Variants in CES3 observed in about 807,000 individuals in gnomAD.
The protein encoded by CES3 is carboxylesterase 3 (brain).
A neutral mutation model predicts 57.6 loss-of-function variants in CES3; 49 were observed. That is an observed-to-expected ratio of 0.85 (90% CI 0.68 to 1.08). The LOEUF (loss-of-function observed/expected upper bound fraction) is 1.08, where lower values mean the gene tolerates loss of function less well. CES3 is among the 50% of genes least tolerant of loss of function. CES3 has a pLI of 0.00. For missense variants in CES3, 645 were observed against 742.0 expected, an observed-to-expected ratio of 0.87 and a Z score of 1.52; for synonymous variants, 266 against 281.6, an observed-to-expected ratio of 0.94 and a Z score of 0.55.
chr16:66,969,793 C>T, intron 9 of CES3, 34 bp downstream of exon 9: 3 of 1,578,134 alleles, frequency 1.9e-6, no homozygotes, highest in Non-Finnish European at 2.6e-6. Flanking sequence ...GAAGCTAGGG[C>T]AGGAGGGAGG....
intron 6 of CES3, among the ~76,000 whole-genome samples, chr16:66,965,504 G>A (rs1432544737): frequency 2.6e-5 from 4 of 152,186 alleles, no homozygotes; most frequent in Admixed American, 1.3e-4. Context: ...CCAAGGCAGT[G>A]TGGGCTGGGC....
Position 66,973,121 on chromosome 16 carries a change from C to A in CES3, c.*72C>A. The A allele has an allele frequency of 7.3e-7, 1 of 1,367,142 alleles. No homozygotes were observed. Among genetic ancestry groups the A allele is most frequent in the Non-Finnish European group, 1.0e-6 (1 of 985,572 alleles). 84.7% of individuals were successfully genotyped at this position (1,367,142 alleles called of 1,614,324 possible). On this transcript the variant is annotated 3_prime_UTR_variant, in exon 13 of 13. Transcript: ENST00000303334. ...GTGGCAGAGTCCCAGCACGGCAGCC[C>A]GCCTCTCCCCCTGCTGAGACTTTAA...
At chr16:66,964,075 C>A (rs1374265749) in intron 4 of CES3, 140 bp downstream of exon 4, 7 of 1,297,654 alleles carry the variant, frequency 5.4e-6, no homozygotes, top group African/African-American at 1.5e-5. Context: ...GAAGGGCACC[C>A]CCCAAGCCTC....
At chr16:66,962,585 C>T (rs1431773578) in intron 1 of CES3, among the ~76,000 whole-genome samples, 2 of 151,876 alleles carry the variant, frequency 1.3e-5, no homozygotes, top group Non-Finnish European at 2.9e-5. Flanking sequence ...ATAATGAGAC[C>T]CCATCTCTAC....
intron 6 of CES3, among the ~76,000 whole-genome samples, chr16:66,965,977 G>C (rs1213276775): frequency 6.6e-6 from 1 of 152,112 alleles, no homozygotes; most frequent in Non-Finnish European, 1.5e-5. Context: ...ACTATTCTTA[G>C]AGGGCAATGA....
In CES3 at chr16:66,971,316, C is replaced by G. The variant is rs76376956; in HGVS notation, c.1288C>G (p.Arg430Gly). The G allele has an allele frequency of 4.3e-6, 7 of 1,612,502 alleles. No individual in the cohort carries two copies. The South Asian group carries it at 6.6e-5, about 15-fold the overall frequency. The change falls in exon 10 of 13, where the codon CGA becomes GGA. Residue 430 changes from arginine (R) to glycine (G), a missense_variant. By Grantham distance (125) the Arg-to-Gly change is moderately radical (BLOSUM62 -2). Coordinates refer to ENST00000303334, the MANE Select transcript of CES3 (RefSeq NM_024922.6). ...CACCGTCAGTTTTTCAAGATACCTT[C>G]GAGGTAAGCCTGTCCCTGGCCACCT... ...VPTVSFSRYLRDSGSPVFFYE... is the reference protein window; with the variant it reads ...VPTVSFSRYLGDSGSPVFFYE...
chr16:66,964,622 G>T lies in CES3; in HGVS notation c.715-1G>T. On this transcript the variant is annotated splice_acceptor_variant, in intron 5 of 12. Transcript: ENST00000303334. LOFTEE classifies it high-confidence loss of function. ...CCACCTCCTCTCTCCAATGCACCCA[G>T]GTCCTGTCCCCAGTGGCTGCAGGGC... The T allele has an allele frequency of 6.2e-7, 1 of 1,613,894 alleles. No individual in the cohort carries two copies. The highest frequency in any genetic ancestry group is 8.5e-7 in the Non-Finnish European group (1 of 1,179,870).
chr16:66,971,183 T>A lies in CES3; in HGVS notation c.1155T>A (p.Pro385=). ...GCCTCTTGCCCCAGGATGTGCCCCC[T>A]GAGATGATGCCCACCGTCATAGATG... is the stretch of plus-strand genomic sequence containing the variant. ...TPVLTSLDVP[P]EMMPTVIDEY... The change falls in exon 10 of 13, where the codon CCT becomes CCA. Residue 385 remains proline, a synonymous_variant. Transcript: ENST00000303334. 6.2e-7 allele frequency: 1 copy of A among 1,613,462 alleles called. No homozygotes were observed. Among genetic ancestry groups the A allele is most frequent in the Non-Finnish European group, 8.5e-7 (1 of 1,179,626 alleles).
chr16:66,966,609 C>G, intron 7 of CES3, 116 bp from the exon 8 acceptor site: 1 of 1,332,766 alleles, frequency 7.5e-7, no homozygotes, highest in South Asian at 1.3e-5. Context: ...GATCTTCATC[C>G]CTTCACTTTC....
At chr16:66,966,693 T>C in intron 7 of CES3, 32 bp from the exon 8 acceptor site, 1 of 1,613,252 alleles carries the variant, frequency 6.2e-7, no homozygotes. Context: ...TGGCCCTAAC[T>C]TGGGAGCCTC....
In CES3 at chr16:66,961,269, C is replaced by T; in HGVS notation, c.-39C>T. 1.3e-6 allele frequency: 2 copies of T among 1,547,666 alleles called. No individual in the cohort carries two copies. Among genetic ancestry groups the T allele is most frequent in the Non-Finnish European group, 8.9e-7 (1 of 1,122,042 alleles). ...GGTGCTGAAGGGCAGGGATCTTATTCCACCTTCTGAAGCTTCTGTCGAACC... is the reference window on the plus strand; with the variant it reads ...GGTGCTGAAGGGCAGGGATCTTATTTCACCTTCTGAAGCTTCTGTCGAACC... On this transcript the variant is annotated 5_prime_UTR_variant, in exon 1 of 13. Transcript: ENST00000303334.
intron 7 of CES3, 133 bp from the exon 8 acceptor site, chr16:66,966,592 C>G: frequency 1.7e-6 from 2 of 1,208,572 alleles, no homozygotes; most frequent in Non-Finnish European, 1.2e-6. Context: ...ACCCCCTTAA[C>G]CCTGGTGATC....
At chr16:66,964,810 G>A in intron 6 of CES3, 83 bp downstream of exon 6, 1 of 1,155,510 alleles carries the variant, frequency 8.7e-7, no homozygotes, top group Non-Finnish European at 1.2e-6. Flanking sequence ...AGAGTAGCGG[G>A]GTTTGCTGGC....
rs775163783 is a variant in CES3, at chr16:66,961,407, G to A, written c.82+18G>A. On this transcript the variant is annotated intron_variant, in intron 1 of 12. Transcript: ENST00000303334. ...AGCCACTGGTAAGACACACCTGCTG[G>A]GCCTGCAGAGGTACTTGGTGTGGAG... The A allele has an allele frequency of 5.0e-5, 80 of 1,599,048 alleles. No homozygotes were observed. The Admixed American group carries it at 1.4e-3, about 27-fold the overall frequency.
intron 8 of CES3, 46 bp downstream of exon 8, chr16:66,966,911 A>C: frequency 6.2e-7 from 1 of 1,606,246 alleles, no homozygotes; most frequent in South Asian, 1.1e-5. Context: ...TGCCCCAGCC[A>C]GTACCTGCCA....
Position 66,972,863 on chromosome 16 carries a change from T to C in CES3, c.1530T>C (p.Asn510=). ...CATTCCTCCCACCCAGGGACCCCAA[T>C]AGCAAGGCTCTGCCTCCTTGGCCCC... ...WTHFARTGDP[N]SKALPPWPQF... Residue 510 remains asparagine (N), a synonymous_variant, in exon 13 of 13, where the codon AAT becomes AAC. Coordinates refer to ENST00000303334, the MANE Select transcript of CES3 (RefSeq NM_024922.6). The C allele has an allele frequency of 6.2e-7, 1 of 1,614,034 alleles. No individual in the cohort carries two copies. The highest frequency in any genetic ancestry group is 8.5e-7 in the Non-Finnish European group (1 of 1,179,978).
chr16:66,969,935 T>C (rs2145539315), intron 9 of CES3, among the ~76,000 whole-genome samples, 176 bp downstream of exon 9: 1 of 152,278 alleles, frequency 6.6e-6, no homozygotes. Context: ...TCCTTAGATA[T>C]GAGCCAGTGT....
intron 6 of CES3, 51 bp from the exon 7 acceptor site, chr16:66,966,193 G>C (rs757160436): frequency 6.5e-7 from 1 of 1,547,478 alleles, no homozygotes; most frequent in South Asian, 1.1e-5. Context: ...AAGGCTGCAA[G>C]GTGGGGCTGA....
At chr16:66,961,505 CA>C (rs1194457960) in intron 1 of CES3, 116 bp downstream of exon 1, 7 of 770,580 alleles carry the variant, frequency 9.1e-6, no homozygotes, top group South Asian at 1.5e-5. Context: ...GGAGGCAGAC[CA>C]GGGGTTGTGC....
Sources: gnomAD v4.1 joint callset for allele counts (sites outside exome capture counted in the v4.1 genomes callset) on GRCh38, gnomAD v4.1.1 for gene constraint, MANE v1.5 for transcripts, NCBI Gene and HGNC (gene_info 2026-07-23, HGNC 2026-07-21) for gene names.